Variants in GRM1 observed in about 807,000 individuals in gnomAD.
The protein encoded by GRM1 is glutamate metabotropic receptor 1, also known as metabotropic glutamate receptor 1.
GRM1 carries 33 observed loss-of-function variants against 90.9 expected under a neutral mutation model. The observed-to-expected ratio is 0.36, with a 90% CI of 0.28 to 0.49. The LOEUF (loss-of-function observed/expected upper bound fraction) is 0.49, where lower values mean the gene tolerates loss of function less well. Ranked by LOEUF, GRM1 falls within the 20% of genes least tolerant of loss-of-function variation. GRM1 has a pLI of 0.99. For missense variants in GRM1, 1,190 were observed against 1,534.3 expected (o/e 0.78, Z 3.75); for synonymous variants, 700 against 613.2 (o/e 1.14, Z -2.09).
intron 2 of GRM1, among the ~76,000 whole-genome samples, chr6:146,244,440 C>T (rs974041411): frequency 6.6e-6 from 1 of 152,300 alleles, no homozygotes; most frequent in South Asian, 2.1e-4. Flanking sequence ...TCCATTAACA[C>T]TTCGTAGTAA....
intron 5 of GRM1, among the ~76,000 whole-genome samples, chr6:146,374,758 CT>C (rs1045336265): frequency 4.3e-4 from 65 of 152,084 alleles, no homozygotes; most frequent in African/African-American, 1.5e-3. Flanking sequence ...GATCTTCTCT[CT>C]TTTTTTGTTA....
chr6:146,043,582 A>T (rs887966476), intron 1 of GRM1, among the ~76,000 whole-genome samples: 1 of 151,598 alleles, frequency 6.6e-6, no homozygotes, highest in Non-Finnish European at 1.5e-5. Context: ...GTTTCATCTT[A>T]ATTGGTAATG....
chr6:146,283,168 T>A (rs891630640), intron 2 of GRM1, among the ~76,000 whole-genome samples: 1 of 152,156 alleles, frequency 6.6e-6, no homozygotes, highest in Non-Finnish European at 1.5e-5. Flanking sequence ...AAGCAGAGCA[T>A]CCCAGCAGAA....
At chr6:146,323,541 T>G (rs1449053077) in intron 3 of GRM1, among the ~76,000 whole-genome samples, 1 of 152,174 alleles carries the variant, frequency 6.6e-6, no homozygotes. Flanking sequence ...TTCTGTAGGT[T>G]GCCTGTTCAC....
intron 7 of GRM1, among the ~76,000 whole-genome samples, chr6:146,433,061 A>T (rs1445389494): frequency 6.6e-6 from 1 of 152,218 alleles, no homozygotes; most frequent in African/African-American, 2.4e-5. Flanking sequence ...CTAAAGCAGG[A>T]TGTGGGCATT....
intron 2 of GRM1, among the ~76,000 whole-genome samples, chr6:146,180,253 A>G (rs1273136202): frequency 1.3e-5 from 2 of 149,842 alleles, no homozygotes; most frequent in African/African-American, 2.4e-5. Flanking sequence ...ACTTCTTTTA[A>G]TATTATAGAC....
intron 1 of GRM1, among the ~76,000 whole-genome samples, chr6:146,040,000 G>T (rs1791037867): frequency 1.3e-5 from 2 of 151,984 alleles, no homozygotes; most frequent in Admixed American, 1.3e-4. Flanking sequence ...TTTGAAATTT[G>T]TCAGAAAATA....
intron 7 of GRM1, among the ~76,000 whole-genome samples, chr6:146,400,835 G>A (rs1777132126): frequency 6.6e-6 from 1 of 152,038 alleles, no homozygotes; most frequent in African/African-American, 2.4e-5. Flanking sequence ...CCATCCATCT[G>A]AACCTGTCAG....
chr6:146,092,718 G>A (rs1776753829), intron 1 of GRM1, among the ~76,000 whole-genome samples: 2 of 152,084 alleles, frequency 1.3e-5, no homozygotes, highest in Non-Finnish European at 2.9e-5. Flanking sequence ...CATGGAAGCT[G>A]GAAGCCTGGC....
chr6:146,397,493 A>AAAAAAAAAAAAAAAAAAAAAAAAAAAAC (rs1777005964), intron 6 of GRM1, among the ~76,000 whole-genome samples: 1 of 150,884 alleles, frequency 6.6e-6, no homozygotes, highest in African/African-American at 2.4e-5. Context: ...AGAAAAAAAA[A>AAAAAAAAAAAAAAAAAAAAAAAAAAAAC]AAAAAAAAAA....
chr6:146,055,274 A>T (rs1775445464), intron 1 of GRM1, among the ~76,000 whole-genome samples: 1 of 152,140 alleles, frequency 6.6e-6, no homozygotes, highest in Non-Finnish European at 1.5e-5. Context: ...TATTATGGAT[A>T]CAACTGGCAC....
At chr6:146,196,482 T>G (rs2114600389) in intron 2 of GRM1, among the ~76,000 whole-genome samples, 1 of 149,062 alleles carries the variant, frequency 6.7e-6, no homozygotes, top group Non-Finnish European at 1.5e-5. Context: ...TTTTTTTTTT[T>G]TTTTAGTAGA....
chr6:146,063,178 A>G (rs1310114333), intron 1 of GRM1, among the ~76,000 whole-genome samples: 2 of 152,206 alleles, frequency 1.3e-5, no homozygotes, highest in Non-Finnish European at 2.9e-5. Context: ...CACCCAGCAT[A>G]GGCTCCAGTG....
At chr6:146,337,004 G>T (rs371906455) in intron 3 of GRM1, among the ~76,000 whole-genome samples, 4 of 152,106 alleles carry the variant, frequency 2.6e-5, no homozygotes, top group Non-Finnish European at 5.9e-5. Context: ...CTGGTTTTTC[G>T]CTTTCTTGCT....
At chr6:146,397,740 C>T (rs996481269) in intron 6 of GRM1, among the ~76,000 whole-genome samples, 2 of 152,092 alleles carry the variant, frequency 1.3e-5, no homozygotes, top group African/African-American at 2.4e-5. Flanking sequence ...TCTGATCCTG[C>T]CTGAGTGATT....
intron 5 of GRM1, among the ~76,000 whole-genome samples, chr6:146,364,232 A>G (rs1775594727): frequency 6.6e-6 from 1 of 152,226 alleles, no homozygotes; most frequent in Non-Finnish European, 1.5e-5. Flanking sequence ...ACACCATAGA[A>G]TATAGAAATA....
chr6:146,350,099 G>T (rs1042059577), intron 3 of GRM1, among the ~76,000 whole-genome samples: 2 of 152,198 alleles, frequency 1.3e-5, no homozygotes, highest in Admixed American at 6.5e-5. Flanking sequence ...AAAAGGAAAA[G>T]ACTGATCTCA....
intron 5 of GRM1, among the ~76,000 whole-genome samples, chr6:146,362,733 T>C (rs1387379302): frequency 6.6e-6 from 1 of 151,706 alleles, no homozygotes; most frequent in Non-Finnish European, 1.5e-5. Context: ...GACATAAAAT[T>C]TTCATCTTAA....
At chr6:146,358,699 T>C (rs1419504031) in intron 5 of GRM1, among the ~76,000 whole-genome samples, 3 of 152,170 alleles carry the variant, frequency 2.0e-5, no homozygotes, top group Admixed American at 2.0e-4. Flanking sequence ...AGTCATATAA[T>C]GCTAAGTTTA....
Sources: gnomAD v4.1 joint callset for allele counts (sites outside exome capture counted in the v4.1 genomes callset) on GRCh38, gnomAD v4.1.1 for gene constraint, MANE v1.5 for transcripts, NCBI Gene and HGNC (gene_info 2026-07-23, HGNC 2026-07-21) for gene names.